The following NELL2 variants were observed in gnomAD, a reference collection of about 807,000 sequenced individuals.
NELL2 encodes protein kinase C-binding protein NELL2.
NELL2 carries 41 observed loss-of-function variants against 109.6 expected under a neutral mutation model. The observed-to-expected ratio is 0.37, with a 90% CI of 0.29 to 0.49. The LOEUF (loss-of-function observed/expected upper bound fraction) is 0.49, where lower values mean the gene tolerates loss of function less well. Among genes scored for constraint, NELL2 ranks in the 20% least tolerant of loss-of-function variants. The pLI is 0.98. For missense variants in NELL2, 900 were observed against 1,008.3 expected, an observed-to-expected ratio of 0.89 and a Z score of 1.45; for synonymous variants, 355 against 344.7, an observed-to-expected ratio of 1.03 and a Z score of -0.33.
intron 13 of NELL2, among the ~76,000 whole-genome samples, chr12:44,649,721 C>A (rs183780927): frequency 1.3e-5 from 2 of 152,298 alleles, no homozygotes; most frequent in African/African-American, 4.8e-5. Flanking sequence ...TAAGACAGCC[C>A]GTTTTTCTTA....
chr12:44,691,693 G>T (rs532049771), intron 12 of NELL2, among the ~76,000 whole-genome samples: 1 of 152,292 alleles, frequency 6.6e-6, no homozygotes, highest in South Asian at 2.1e-4. Flanking sequence ...CAGAACACAT[G>T]AATTATAGAA....
intron 19 of NELL2, among the ~76,000 whole-genome samples, chr12:44,516,928 G>A (rs1217458407): frequency 1.4e-5 from 2 of 139,390 alleles, no homozygotes; most frequent in Non-Finnish European, 3.1e-5. Flanking sequence ...CTAATTTTAT[G>A]TATCTATAGA....
chr12:44,609,665 A>T (rs989371676), intron 14 of NELL2, among the ~76,000 whole-genome samples: 1 of 152,034 alleles, frequency 6.6e-6, no homozygotes, highest in Non-Finnish European at 1.5e-5. Context: ...GGCCTTTTTC[A>T]AAATGACCTA....
chr12:44,914,000 T>A (rs1253340687), upstream of NELL2: 1 of 306,628 alleles, frequency 3.3e-6, no homozygotes, highest in African/African-American at 2.2e-5. Flanking sequence ...ACATCCTGCC[T>A]GCTACTTCTC....
At chr12:44,829,866 A>G (rs1943832899) in intron 2 of NELL2, among the ~76,000 whole-genome samples, 1 of 152,160 alleles carries the variant, frequency 6.6e-6, no homozygotes, top group South Asian at 2.1e-4. Context: ...TTAAGTGCAA[A>G]AGAGAAATGT....
intron 15 of NELL2, among the ~76,000 whole-genome samples, chr12:44,560,852 C>T (rs906973924): frequency 3.3e-5 from 5 of 152,166 alleles, no homozygotes; most frequent in African/African-American, 1.2e-4. Context: ...CATCCTGATA[C>T]CAAAACCTGG....
At chr12:44,616,773 C>A (rs1945836217) in intron 13 of NELL2, among the ~76,000 whole-genome samples, 1 of 152,258 alleles carries the variant, frequency 6.6e-6, no homozygotes, top group African/African-American at 2.4e-5. Context: ...TATGTAGTGA[C>A]CTGCACTGGT....
chr12:44,529,344 G>C (rs566543046), intron 16 of NELL2, among the ~76,000 whole-genome samples: 2 of 152,304 alleles, frequency 1.3e-5, no homozygotes, highest in South Asian at 4.1e-4. Context: ...TATGTTAAGG[G>C]ACCTGTAGGA....
chr12:44,551,440 A>T (rs1943040954), intron 15 of NELL2, among the ~76,000 whole-genome samples: 1 of 152,204 alleles, frequency 6.6e-6, no homozygotes, highest in Non-Finnish European at 1.5e-5. Flanking sequence ...GGTCTTGAGG[A>T]TACATGAGTA....
intron 15 of NELL2, among the ~76,000 whole-genome samples, chr12:44,589,579 C>T (rs375238702): frequency 1.3e-5 from 2 of 152,088 alleles, no homozygotes; most frequent in East Asian, 3.9e-4. Context: ...TGCGGTTTCA[C>T]CATTTTGGCC....
At chr12:44,560,456 G>C (rs1323182013) in intron 15 of NELL2, among the ~76,000 whole-genome samples, 3 of 151,896 alleles carry the variant, frequency 2.0e-5, no homozygotes, top group African/African-American at 7.3e-5. Context: ...AGAAAAGAGA[G>C]AAGAGTCAAA....
rs11182555 is a variant in NELL2 at position 44,605,072 on chromosome 12, T to C, written c.1663+2097A>G. Reference sequence around the variant, plus strand: ...AGAATATTCAGGTTTTGGTAGAGGATGGTAACTGGTGAGGCATGAATCATG... The same window carrying C: ...AGAATATTCAGGTTTTGGTAGAGGACGGTAACTGGTGAGGCATGAATCATG... On this transcript the variant is annotated intron_variant, in intron 15 of 19. Coordinates refer to ENST00000429094, the MANE Select transcript of NELL2 (RefSeq NM_001145108.2). 3.0e-3 allele frequency among the ~76,000 whole-genome samples: 455 copies of C among 152,084 alleles called. 4 individuals are homozygous for C. Among genetic ancestry groups the C allele is most frequent in the East Asian group, 0.026 (136 of 5,166 alleles).
At chr12:44,656,045 T>C (rs17573382) in intron 13 of NELL2, among the ~76,000 whole-genome samples, 19,307 of 152,176 alleles carry the variant, frequency 0.13, 1,452 homozygotes, top group East Asian at 0.21. Context: ...GATGGTAGGA[T>C]TGTCTGATTG....
rs1439301860 is a variant in NELL2 at position 44,791,224 on chromosome 12, A to ATATATATATC, written c.336-11203_336-11202insGATATATATA. On this transcript the variant is annotated intron_variant, in intron 3 of 19. Transcript: ENST00000429094. ...TATATATATATATATATATATATAT[A>ATATATATATC]TATGATGGAATACTACTCAGCCATA... is the stretch of plus-strand genomic sequence containing the variant. Among the ~76,000 whole-genome samples the ATATATATATC allele has an allele frequency of 8.0e-4, 76 of 95,116 alleles. 1 individual carries two copies. Among genetic ancestry groups the ATATATATATC allele is most frequent in the Non-Finnish European group, 1.4e-3 (63 of 45,700 alleles). The allele number at this position is 95,116 out of a possible 152,430, so 62.4% of individuals were successfully genotyped here.
chr12:44,577,946 A>C (rs116033225), intron 15 of NELL2, among the ~76,000 whole-genome samples: 2,253 of 152,136 alleles, frequency 0.015, 44 homozygotes, highest in African/African-American at 0.051. Flanking sequence ...TATCCTTTGA[A>C]CCTTTTGAAG....
At chr12:44,766,062 G>T (rs1392202170) in intron 9 of NELL2, among the ~76,000 whole-genome samples, 6 of 151,634 alleles carry the variant, frequency 4.0e-5, no homozygotes, top group Admixed American at 3.3e-4. Flanking sequence ...CTCCAGCCTG[G>T]GTGACAGAGC....
At chr12:44,686,570 T>C (rs1415891281) in intron 12 of NELL2, among the ~76,000 whole-genome samples, 2 of 152,048 alleles carry the variant, frequency 1.3e-5, no homozygotes. Context: ...TCTTTGATGA[T>C]GGTGATGTAC....
intron 15 of NELL2, among the ~76,000 whole-genome samples, chr12:44,588,170 CAA>C (rs35003349): frequency 2.5e-3 from 250 of 100,968 alleles, no homozygotes; most frequent in Middle Eastern, 0.024. Flanking sequence ...GACTCCGTCT[CAA>C]AAAAAAAAAA....
chr12:44,751,292 GT>G (rs1940639554), intron 9 of NELL2, among the ~76,000 whole-genome samples: 1 of 152,068 alleles, frequency 6.6e-6, no homozygotes, highest in Non-Finnish European at 1.5e-5. Flanking sequence ...AATTAAGTTG[GT>G]TTTTCCGTTA....
Sources: gnomAD v4.1 joint callset for allele counts (sites outside exome capture counted in the v4.1 genomes callset) on GRCh38, gnomAD v4.1.1 for gene constraint, MANE v1.5 for transcripts, NCBI Gene and HGNC (gene_info 2026-07-23, HGNC 2026-07-21) for gene names.